The following TMCO2 variants were observed in gnomAD, a reference collection of about 807,000 sequenced individuals.
TMCO2 encodes transmembrane and coiled-coil domains 2, also known as transmembrane and coiled-coil domain-containing protein 2.
A neutral mutation model predicts 18.0 loss-of-function variants in TMCO2; 15 were observed. The observed-to-expected ratio is 0.84, with a 90% CI of 0.56 to 1.29. The LOEUF is 1.29. TMCO2 is among the 50% of genes most tolerant of loss of function. The probability of loss-of-function intolerance (pLI) is 0.00; values close to 1 mark genes in which losing one functional copy is unlikely to be tolerated. For synonymous variants in TMCO2, 79 were observed against 75.9 expected, an observed-to-expected ratio of 1.04 and a Z score of -0.21; for missense variants, 182 against 200.9, an observed-to-expected ratio of 0.91 and a Z score of 0.57.
chr1:40,250,905 C>A (rs557324121), intron 1 of TMCO2, among the ~76,000 whole-genome samples: 2 of 152,246 alleles, frequency 1.3e-5, no homozygotes, highest in East Asian at 3.9e-4. Flanking sequence ...TGGGAGGCCA[C>A]GATGGGCGGA....
chr1:40,249,012 T>C (rs1643359313), intron 1 of TMCO2, among the ~76,000 whole-genome samples: 3 of 152,236 alleles, frequency 2.0e-5, no homozygotes. Context: ...ATGTCACTAT[T>C]GTTTAGTAAT....
In TMCO2 at chr1:40,251,645, T is replaced by G. The variant is rs878897803; in HGVS notation, c.*51T>G. On this transcript the variant is annotated 3_prime_UTR_variant, in exon 2 of 2. Transcript: ENST00000372766. ...AGGAAAGCACTGTTTCCCTCATGTGTGCAGTGGTGTATCAATAAAGATAGA... is the reference window on the plus strand; with the variant it reads ...AGGAAAGCACTGTTTCCCTCATGTGGGCAGTGGTGTATCAATAAAGATAGA... The G allele has an allele frequency of 6.5e-7, 1 of 1,548,834 alleles. No individual in the cohort carries two copies. The highest frequency in any genetic ancestry group is 2.2e-5 in the East Asian group (1 of 44,628).
In TMCO2 at chr1:40,251,351, G is replaced by A; in HGVS notation, c.306G>A (p.Leu102=). 1 of 1,613,868 alleles carries A rather than the reference G, an allele frequency of 6.2e-7. No homozygotes were observed. Among genetic ancestry groups the A allele is most frequent in the Non-Finnish European group, 8.5e-7 (1 of 1,179,948 alleles). ...AGGGCTCACATATTTTTGAGGCTTT[G>A]CTAGCCAACCCAGAAGGAAGTGGTC... ...YKKGSHIFEA[L]LANPEGSGLR... is the part of the protein sequence containing the mutation. The change falls in exon 2 of 2, where the codon TTG becomes TTA. Residue 102 remains leucine, a synonymous_variant. Transcript: ENST00000372766.
At position 40,249,743 on chromosome 1, in the gene TMCO2, G is replaced by A. The variant is rs181694757; in HGVS notation, c.237+1513G>A. Among the ~76,000 whole-genome samples the A allele has an allele frequency of 4.3e-3, 652 of 151,192 alleles. 3 individuals are homozygous for A. Among genetic ancestry groups the A allele is most frequent in the Non-Finnish European group, 5.4e-3 (369 of 67,796 alleles). ...GTCTGGAGTGCAATGGTGCAATTTCGGCTCACTGCAACCTCTGCCTCCCAG... is the reference window on the plus strand; with the variant it reads ...GTCTGGAGTGCAATGGTGCAATTTCAGCTCACTGCAACCTCTGCCTCCCAG... On this transcript the variant is annotated intron_variant, in intron 1 of 1. Coordinates refer to ENST00000372766, the MANE Select transcript of TMCO2 (RefSeq NM_001008740.4).
At position 40,251,583 on chromosome 1, in the gene TMCO2, TC is replaced by T. The variant is rs775980664; in HGVS notation, c.543del (p.Ile182PhefsTer4). ...QSPLSTSGFT[S>X]PI ...TCCCTTGTCCACATCAGGGTTTACT[TC>T]CCCCATTTGAAATGTGATGGACTCC... is the stretch of plus-strand genomic sequence containing the variant. On this transcript the variant is annotated frameshift_variant, in exon 2 of 2. Transcript: ENST00000372766. LOFTEE classifies it high-confidence loss of function. 6.2e-7 allele frequency: 1 copy of T among 1,603,786 alleles called. No individual in the cohort carries two copies. Among genetic ancestry groups the T allele is most frequent in the South Asian group, 1.1e-5 (1 of 88,520 alleles).
rs776508332 is a variant in TMCO2, at chr1:40,248,129, A to G, written c.136A>G (p.Asn46Asp). 4 of 1,614,214 alleles carry G rather than the reference A, an allele frequency of 2.5e-6. No homozygotes were observed. Among genetic ancestry groups the G allele is most frequent in the Non-Finnish European group, 3.4e-6 (4 of 1,180,032 alleles). ...PQQTSLGLLD[N>D]LAPAVQIILR... ...GCAAACAAGTTTGGGACTATTAGAT[A>G]ATCTTGCTCCAGCTGTGCAAATCAT... Residue 46 changes from asparagine (N) to aspartate (D), a missense_variant, in exon 1 of 2, where the codon AAT becomes GAT. Transcript: ENST00000372766.
rs760077463 is a variant in TMCO2, at chr1:40,248,035, G to GTC, written c.53_54dup (p.Thr20AlafsTer26). The GTC allele has an allele frequency of 3.1e-6, 5 of 1,613,894 alleles. No homozygotes were observed. The highest frequency in any genetic ancestry group is 2.2e-5 in the East Asian group (1 of 44,878). On this transcript the variant is annotated frameshift_variant, in exon 1 of 2. Coordinates refer to ENST00000372766, the MANE Select transcript of TMCO2 (RefSeq NM_001008740.4). LOFTEE classifies it high-confidence loss of function. ...CTTCTAGCTGGGACAACCTCTTAGA[G>GTC]TCTCTCTCTCTCAGCACAGTATGGA...
In TMCO2 at chr1:40,251,321, C is replaced by T. The variant is rs1433509579; in HGVS notation, c.276C>T (p.Tyr92=). The T allele has an allele frequency of 1.2e-6, 2 of 1,612,946 alleles. No homozygotes were observed. Among genetic ancestry groups the T allele is most frequent in the Non-Finnish European group, 1.7e-6 (2 of 1,179,760 alleles). ...TTGTAATCACACTCTACAAACTTTA[C>T]AAGAAGGGCTCACATATTTTTGAGG... ...LLFVITLYKL[Y]KKGSHIFEAL... The change falls in exon 2 of 2, where the codon TAC becomes TAT. Residue 92 remains tyrosine, a synonymous_variant. Coordinates refer to ENST00000372766, the MANE Select transcript of TMCO2 (RefSeq NM_001008740.4).
At position 40,248,081 on chromosome 1, in the gene TMCO2, T is replaced by C; in HGVS notation, c.88T>C (p.Leu30=). The C allele has an allele frequency of 6.2e-7, 1 of 1,614,236 alleles. No individual in the cohort carries two copies. Among genetic ancestry groups the C allele is most frequent in the Non-Finnish European group, 8.5e-7 (1 of 1,180,042 alleles). Residue 30 remains leucine (L), a synonymous_variant, in exon 1 of 2, where the codon TTG becomes CTG. Coordinates refer to ENST00000372766, the MANE Select transcript of TMCO2 (RefSeq NM_001008740.4). ...ATGGAATTGGATACAAGCAAGTTTT[T>C]TGGGAGAGACTAGTGCACCTCAGCA... ...TVWNWIQASF[L]GETSAPQQTS... is the part of the protein sequence containing the mutation.
chr1:40,249,682 A>G (rs949282891), intron 1 of TMCO2, among the ~76,000 whole-genome samples: 1 of 150,756 alleles, frequency 6.6e-6, no homozygotes, highest in Non-Finnish European at 1.5e-5. Context: ...TTATTTATTT[A>G]TTTATTTTGA....
In TMCO2 at chr1:40,248,118, G is replaced by A. The variant is rs747212042; in HGVS notation, c.125G>A (p.Gly42Glu). 98 of 1,614,022 alleles carry A rather than the reference G, an allele frequency of 6.1e-5. No homozygotes were observed. Among genetic ancestry groups the A allele is most frequent in the South Asian group, 5.2e-4 (47 of 91,084 alleles). Residue 42 changes from glycine to glutamate, a missense_variant, in exon 1 of 2, where the codon GGA becomes GAA. Coordinates refer to ENST00000372766, the MANE Select transcript of TMCO2 (RefSeq NM_001008740.4). Reference protein sequence around the residue: ...ETSAPQQTSLGLLDNLAPAVQ... With the variant: ...ETSAPQQTSLELLDNLAPAVQ... ...AGTGCACCTCAGCAAACAAGTTTGG[G>A]ACTATTAGATAATCTTGCTCCAGCT...
chr1:40,248,327 T>C, intron 1 of TMCO2, 97 bp downstream of exon 1: 1 of 1,057,030 alleles, frequency 9.5e-7, no homozygotes, highest in Non-Finnish European at 1.4e-6. Flanking sequence ...ATCATGCAGA[T>C]GTGCAAAGGC....
Position 40,248,002 on chromosome 1 carries a change from A to G in TMCO2, c.9A>G (p.Thr3=), listed in dbSNP as rs951786852. The part of the protein sequence containing the change: MS[T]SSSSSWDNLL... ...AGCTGCTGCTTATTAAAATGTCAAC[A>G]TCTTCATCTTCTAGCTGGGACAACC... The change falls in exon 1 of 2, where the codon ACA becomes ACG. Residue 3 remains threonine (T), a synonymous_variant. Transcript: ENST00000372766. The G allele has an allele frequency of 6.2e-7, 1 of 1,613,858 alleles. No homozygotes were observed. The highest frequency in any genetic ancestry group is 8.5e-7 in the Non-Finnish European group (1 of 1,179,774).
chr1:40,248,109 C>A lies in TMCO2; in HGVS notation c.116C>A (p.Thr39Lys). The A allele has an allele frequency of 1.2e-6, 2 of 1,614,178 alleles. No individual in the cohort carries two copies. The highest frequency in any genetic ancestry group is 1.7e-6 in the Non-Finnish European group (2 of 1,180,032). Reference protein sequence around the residue: ...FLGETSAPQQTSLGLLDNLAP... With the variant: ...FLGETSAPQQKSLGLLDNLAP... ...GGAGAGACTAGTGCACCTCAGCAAA[C>A]AAGTTTGGGACTATTAGATAATCTT... The change falls in exon 1 of 2, where the codon ACA (threonine) becomes AAA (lysine). Residue 39 changes from threonine (T) to lysine (K), a missense_variant. Transcript: ENST00000372766.
intron 1 of TMCO2, among the ~76,000 whole-genome samples, chr1:40,249,008 C>T (rs1298135439): frequency 6.6e-6 from 1 of 152,146 alleles, no homozygotes; most frequent in South Asian, 2.1e-4. Flanking sequence ...TCATATGTCA[C>T]TATTGTTTAG....
At chr1:40,249,857 T>G (rs1643367272) in intron 1 of TMCO2, among the ~76,000 whole-genome samples, 1 of 152,054 alleles carries the variant, frequency 6.6e-6, no homozygotes, top group African/African-American at 2.4e-5. Context: ...GTATTTTAAG[T>G]AGAGACAGGG....
chr1:40,251,425 A>G lies in TMCO2; in HGVS notation c.380A>G (p.Glu127Gly). The G allele has an allele frequency of 6.2e-7, 1 of 1,613,980 alleles. No homozygotes were observed. The highest frequency in any genetic ancestry group is 8.5e-7 in the Non-Finnish European group (1 of 1,179,996). The change falls in exon 2 of 2, where the codon GAG becomes GGG. Residue 127 changes from glutamate to glycine, a missense_variant. Transcript: ENST00000372766. Reference sequence around the variant, plus strand: ...CTTTTCCTGTCCTTGGGTCTGCAAGAGAAAATTTTGAAAAAACTTAAGACA... The same window carrying G: ...CTTTTCCTGTCCTTGGGTCTGCAAGGGAAAATTTTGAAAAAACTTAAGACA... ...NNLFLSLGLQEKILKKLKTVE... is the reference protein window; with the variant it reads ...NNLFLSLGLQGKILKKLKTVE...
chr1:40,251,416 G>A lies in TMCO2; in HGVS notation c.371G>A (p.Gly124Asp), dbSNP rs149734874. The A allele has an allele frequency of 1.7e-5, 28 of 1,613,890 alleles. No individual in the cohort carries two copies. The African/African-American group carries it at 2.7e-4, about 15-fold the overall frequency. The change falls in exon 2 of 2, where the codon GGT (glycine) becomes GAT (aspartate). Residue 124 changes from glycine (G) to aspartate (D), a missense_variant. Transcript: ENST00000372766. ...QDNNNLFLSL[G>D]LQEKILKKLK... ...AATAATAATCTTTTCCTGTCCTTGG[G>A]TCTGCAAGAGAAAATTTTGAAAAAA...
At chr1:40,250,303 A>T (rs1242831538) in intron 1 of TMCO2, among the ~76,000 whole-genome samples, 1 of 148,474 alleles carries the variant, frequency 6.7e-6, no homozygotes, top group Non-Finnish European at 1.5e-5. Flanking sequence ...CCTATAATTT[A>T]TTTTATATAA....
Sources: gnomAD v4.1 joint callset for allele counts (sites outside exome capture counted in the v4.1 genomes callset) on GRCh38, gnomAD v4.1.1 for gene constraint, MANE v1.5 for transcripts, NCBI Gene and HGNC (gene_info 2026-07-23, HGNC 2026-07-21) for gene names.